The following EIF3H variants were observed in gnomAD, a reference collection of about 807,000 sequenced individuals.
The protein encoded by EIF3H is eukaryotic translation initiation factor 3 subunit H.
Under a neutral mutation model 44.2 loss-of-function variants are expected in EIF3H, and 26 were observed. The ratio of observed to expected loss-of-function variants is 0.59; its 90% CI spans 0.43 to 0.82. EIF3H has a LOEUF of 0.82. Among genes scored for constraint, EIF3H ranks in the 40% least tolerant of loss-of-function variants. EIF3H has a pLI of 0.00. For missense variants in EIF3H, 359 were observed against 432.8 expected (o/e 0.83, Z 1.51); for synonymous variants, 166 against 151.9 (o/e 1.09, Z -0.68).
chr8:116,646,398 G>A (rs1813299401), intron 7 of EIF3H, 73 bp downstream of exon 7: 4 of 1,604,158 alleles, frequency 2.5e-6, no homozygotes, highest in Non-Finnish European at 3.4e-6. Context: ...TTTTCTGTTT[G>A]TAAATTTCTC....
chr8:116,690,157 T>A (rs1298450080), intron 2 of EIF3H, among the ~76,000 whole-genome samples: 1 of 152,158 alleles, frequency 6.6e-6, no homozygotes, highest in Admixed American at 6.5e-5. Flanking sequence ...TATTCTACTA[T>A]TTTGTGTTAA....
intron 2 of EIF3H, among the ~76,000 whole-genome samples, chr8:116,716,718 G>A (rs763386436): frequency 2.0e-5 from 3 of 152,016 alleles, no homozygotes; most frequent in Non-Finnish European, 4.4e-5. Context: ...TGCCACTGTA[G>A]CGGGAATGAA....
At chr8:116,692,654 C>A (rs1313778494) in intron 2 of EIF3H, among the ~76,000 whole-genome samples, 1 of 152,166 alleles carries the variant, frequency 6.6e-6, no homozygotes, top group Non-Finnish European at 1.5e-5. Flanking sequence ...CTACAGAAAA[C>A]AAACCCCTTT....
At chr8:116,728,079 T>A (rs887816648) in intron 1 of EIF3H, among the ~76,000 whole-genome samples, 2 of 152,204 alleles carry the variant, frequency 1.3e-5, no homozygotes, top group African/African-American at 4.8e-5. Flanking sequence ...TCAGTATATA[T>A]GTTAAGAATT....
chr8:116,712,308 A>G (rs1008989973), intron 2 of EIF3H, among the ~76,000 whole-genome samples: 3 of 152,226 alleles, frequency 2.0e-5, no homozygotes, highest in Non-Finnish European at 4.4e-5. Flanking sequence ...GATGAGTACA[A>G]TTCTGCAAAG....
intron 2 of EIF3H, among the ~76,000 whole-genome samples, chr8:116,667,778 T>C (rs1198470206): frequency 6.6e-6 from 1 of 152,204 alleles, no homozygotes; most frequent in Non-Finnish European, 1.5e-5. Context: ...GATAATGCTA[T>C]AGTGACCTCA....
chr8:116,726,943 T>TTAA lies in EIF3H; in HGVS notation c.133-774_133-772dup, dbSNP rs528722408. On this transcript the variant is annotated intron_variant, in intron 1 of 7. Coordinates refer to ENST00000521861, the MANE Select transcript of EIF3H (RefSeq NM_003756.3). ...AGTGTTTTATAGTGCCTGGCACATATTAATAATAATAGCATTAATATTTAA... is the reference window on the plus strand; with the variant it reads ...AGTGTTTTATAGTGCCTGGCACATATTAATAATAATAATAGCATTAATATTTAA... Among the ~76,000 whole-genome samples the TTAA allele has an allele frequency of 1.4e-4, 22 of 152,314 alleles. No individual in the cohort carries two copies. The South Asian group carries it at 4.6e-3, about 32-fold the overall frequency.
chr8:116,751,000 C>T lies in EIF3H; in HGVS notation c.132+4666G>A, dbSNP rs527937421. On this transcript the variant is annotated intron_variant, in intron 1 of 7. Transcript: ENST00000521861. ...GGCCGAGGCGGGCGGATCACGAGGT[C>T]AGGAGATCGAGACCATCCCGGCTAA... Among the ~76,000 whole-genome samples, 16 of 151,356 alleles carry T rather than the reference C, an allele frequency of 1.1e-4. No homozygotes were observed. In the East Asian group the frequency reaches 2.4e-3, roughly 22 times the overall value.
chr8:116,696,850 T>A (rs1814276368), intron 2 of EIF3H, among the ~76,000 whole-genome samples: 1 of 152,158 alleles, frequency 6.6e-6, no homozygotes, highest in Admixed American at 6.5e-5. Context: ...ACAAAACATA[T>A]GAGGCAGAAC....
chr8:116,763,149 C>T (rs778098584), intron 1 of EIF3H, among the ~76,000 whole-genome samples: 20 of 152,180 alleles, frequency 1.3e-4, no homozygotes, highest in Non-Finnish European at 2.4e-4. Context: ...TGAATGAGAA[C>T]TCTGCCAATT....
chr8:116,727,292 G>A (rs1442699394), intron 1 of EIF3H, among the ~76,000 whole-genome samples: 1 of 152,118 alleles, frequency 6.6e-6, no homozygotes, highest in East Asian at 1.9e-4. Context: ...AAAAAAGGCA[G>A]CAGGAAAGGA....
chr8:116,761,002 T>C (rs1815514190), intron 1 of EIF3H, among the ~76,000 whole-genome samples: 1 of 152,236 alleles, frequency 6.6e-6, no homozygotes, highest in Non-Finnish European at 1.5e-5. Flanking sequence ...CTTTGATAGA[T>C]TAAAATGAAA....
chr8:116,670,204 T>C (rs908965582), intron 2 of EIF3H, among the ~76,000 whole-genome samples: 3 of 152,180 alleles, frequency 2.0e-5, no homozygotes, highest in Admixed American at 6.5e-5. Context: ...GCTCAAGATC[T>C]AAAAGGGTCA....
chr8:116,741,664 A>C (rs151047465), intron 1 of EIF3H, among the ~76,000 whole-genome samples: 206 of 152,346 alleles, frequency 1.4e-3, no homozygotes, highest in African/African-American at 4.8e-3. Flanking sequence ...CCACAGCCTG[A>C]ATTTCTCACA....
intron 1 of EIF3H, among the ~76,000 whole-genome samples, chr8:116,764,665 T>A (rs1815550026): frequency 6.6e-6 from 1 of 152,182 alleles, no homozygotes; most frequent in Non-Finnish European, 1.5e-5. Flanking sequence ...AATAGAAAAC[T>A]CTATTTTTTT....
chr8:116,755,997 C>CG (rs770361521), upstream of EIF3H: 1 of 1,536,164 alleles, frequency 6.5e-7, no homozygotes, highest in South Asian at 1.2e-5. Flanking sequence ...TGTACATTTT[C>CG]GACCTCTTTC....
intron 5 of EIF3H, among the ~76,000 whole-genome samples, chr8:116,649,222 C>T (rs538795876): frequency 2.0e-5 from 3 of 152,300 alleles, no homozygotes; most frequent in East Asian, 3.9e-4. Context: ...ATCTATAATA[C>T]ATATTTTTTA....
rs373897281 is a variant in EIF3H at position 116,646,589 on chromosome 8, G to A, written c.843C>T (p.Arg281=). 1.9e-6 allele frequency: 3 copies of A among 1,613,890 alleles called. No individual in the cohort carries two copies. Among genetic ancestry groups the A allele is most frequent in the Non-Finnish European group, 2.5e-6 (3 of 1,179,984 alleles). Reference sequence around the variant, plus strand: ...TCTGGCGCTGCATATTCTCCTGCTGGCGACGCTGCTGATACTAAAATTCAA... The same window carrying A: ...TCTGGCGCTGCATATTCTCCTGCTGACGACGCTGCTGATACTAAAATTCAA... ...QQQKHQYQQR[R]QQENMQRQSR... The change falls in exon 7 of 8, where the codon CGC becomes CGT. Residue 281 remains arginine, a synonymous_variant. Coordinates refer to ENST00000521861, the MANE Select transcript of EIF3H (RefSeq NM_003756.3).
intron 2 of EIF3H, among the ~76,000 whole-genome samples, chr8:116,724,933 T>C (rs2130924737): frequency 6.6e-6 from 1 of 152,274 alleles, no homozygotes; most frequent in East Asian, 1.9e-4. Context: ...TCTGGGTACA[T>C]ATCCAAAAGA....
Sources: allele counts gnomAD v4.1 joint callset (sites outside exome capture counted in the v4.1 genomes callset), GRCh38; gene constraint gnomAD v4.1.1; transcripts MANE v1.5; gene names NCBI Gene and HGNC (gene_info 2026-07-23, HGNC 2026-07-21).